The following IFT74 variants were observed in gnomAD, a reference collection of about 807,000 sequenced individuals.
IFT74 encodes intraflagellar transport protein 74 homolog.
Under a neutral mutation model 96.7 loss-of-function variants are expected in IFT74, and 92 were observed. That is an observed-to-expected ratio of 0.95 (90% confidence interval 0.80 to 1.13). The LOEUF (loss-of-function observed/expected upper bound fraction) is 1.13. Among genes scored for constraint, IFT74 ranks in the 50% most tolerant of loss-of-function variants. The pLI is 0.00. For missense variants in IFT74, 811 were observed against 698.2 expected (o/e 1.16, Z -1.82); for synonymous variants, 223 against 213.2 (o/e 1.05, Z -0.40).
chr9:26,994,565 AT>A (rs1186146375), intron 8 of IFT74: 1 of 152,124 alleles, frequency 6.6e-6, no homozygotes, highest in Middle Eastern at 3.2e-3. Flanking sequence ...AAGAAAAAGA[AT>A]CTTGTTTCAC....
At position 27,041,909 on chromosome 9, in the gene IFT74, A is replaced by G. The variant is rs566536096; in HGVS notation, c.1055-2833A>G. On this transcript the variant is annotated intron_variant, in intron 13 of 19. Transcript: ENST00000380062. Reference sequence around the variant, plus strand: ...AGCTTGGGAATCTGCTGAGATGTGTAGGAGCTCTGTCCCATCTAATCCAGC... The same window carrying G: ...AGCTTGGGAATCTGCTGAGATGTGTGGGAGCTCTGTCCCATCTAATCCAGC... 8.5e-5 allele frequency among the ~76,000 whole-genome samples: 13 copies of G among 152,258 alleles called. No individual in the cohort carries two copies. In the East Asian group the frequency reaches 2.5e-3, roughly 29 times the overall value.
intron 18 of IFT74, among the ~76,000 whole-genome samples, chr9:27,058,333 C>G (rs1259332031): frequency 6.6e-6 from 1 of 152,200 alleles, no homozygotes; most frequent in African/African-American, 2.4e-5. Context: ...AAACTGTCCT[C>G]CTGCCTCAGC....
chr9:27,011,887 C>CTT lies in IFT74; in HGVS notation c.727-10_727-9dup. 22 of 1,355,486 alleles carry CTT rather than the reference C, an allele frequency of 1.6e-5. No homozygotes were observed. Among genetic ancestry groups the CTT allele is most frequent in the South Asian group, 7.5e-5 (5 of 66,620 alleles). 84.0% of individuals were successfully genotyped at this position (1,355,486 alleles called of 1,614,324 possible). ...TTAATGTAATTTGGATTTATGTTTG[C>CTT]TTTTTTTTTTCCACTTAGGAATTAG... On this transcript the variant is annotated intron_variant, in intron 9 of 19. Coordinates refer to ENST00000380062, the MANE Select transcript of IFT74 (RefSeq NM_025103.4).
chr9:27,012,300 G>C (rs1829121473), intron 10 of IFT74, among the ~76,000 whole-genome samples: 1 of 151,074 alleles, frequency 6.6e-6, no homozygotes, highest in Non-Finnish European at 1.5e-5. Context: ...GTAGCTCACT[G>C]TAAATTCAAG....
intron 12 of IFT74, among the ~76,000 whole-genome samples, chr9:27,022,534 A>C (rs887348338): frequency 2.6e-5 from 4 of 151,944 alleles, no homozygotes; most frequent in African/African-American, 9.7e-5. Context: ...TTCCTTGTAG[A>C]GGTCTTTCAC....
intron 8 of IFT74, chr9:26,996,171 A>G: frequency 1.7e-6 from 1 of 599,522 alleles, no homozygotes; most frequent in South Asian, 4.1e-5. Flanking sequence ...AGTTTGGAAG[A>G]GCAATATTTT....
chr9:27,017,108 TG>T (rs1477071080), intron 11 of IFT74, 58 bp downstream of exon 11: 6 of 1,464,680 alleles, frequency 4.1e-6, no homozygotes, highest in Admixed American at 2.3e-5. Context: ...TGTATTGATT[TG>T]TTTTTTTTAA....
chr9:26,953,037 A>G (rs377497556), upstream of IFT74, among the ~76,000 whole-genome samples: 17 of 152,260 alleles, frequency 1.1e-4, no homozygotes, highest in African/African-American at 3.6e-4. Context: ...AGAAACATTG[A>G]CTTTTAGGAG....
intron 1 of IFT74, among the ~76,000 whole-genome samples, chr9:26,951,168 T>G (rs1264250646): frequency 6.6e-6 from 1 of 152,208 alleles, no homozygotes. Context: ...ACATCACAGT[T>G]TATGTTCTCA....
In IFT74 at chr9:26,980,559, A is replaced by T; in HGVS notation, c.257-12A>T. ...CGAACTGAACACTAACACTTAAAAC[A>T]TTTTTTTTTAGGTCCCCAGAGGCAA... On this transcript the variant is annotated splice_polypyrimidine_tract_variant and intron_variant, in intron 3 of 19. Coordinates refer to ENST00000380062, the MANE Select transcript of IFT74 (RefSeq NM_025103.4). 11 of 1,538,458 alleles carry T rather than the reference A, an allele frequency of 7.2e-6. No individual in the cohort carries two copies. The highest frequency in any genetic ancestry group is 2.3e-5 in the East Asian group (1 of 43,066).
At chr9:26,995,977 G>T (rs1828134459) in intron 8 of IFT74, 1 of 733,572 alleles carries the variant, frequency 1.4e-6, no homozygotes, top group Non-Finnish European at 2.1e-6. Flanking sequence ...GTTTTCTTTA[G>T]ATTTTGTTTG....
At chr9:26,969,362 T>G (rs1826779493) in intron 2 of IFT74, among the ~76,000 whole-genome samples, 1 of 152,054 alleles carries the variant, frequency 6.6e-6, no homozygotes, top group Non-Finnish European at 1.5e-5. Flanking sequence ...TGTTTTTGAT[T>G]TGAAGATGTA....
upstream of IFT74, among the ~76,000 whole-genome samples, chr9:26,952,299 C>T (rs1320358263): frequency 1.4e-5 from 2 of 140,808 alleles, no homozygotes; most frequent in African/African-American, 2.7e-5. Context: ...TTTTTTGAGA[C>T]GAAGTCTTAC....
intron 2 of IFT74, among the ~76,000 whole-genome samples, chr9:26,965,405 G>A (rs1826564918): frequency 6.6e-6 from 1 of 152,026 alleles, no homozygotes; most frequent in South Asian, 2.1e-4. Flanking sequence ...TTTTGTTAAA[G>A]TCAGATTTTC....
At chr9:26,979,281 A>C (rs1239549622) in intron 3 of IFT74, among the ~76,000 whole-genome samples, 1 of 152,184 alleles carries the variant, frequency 6.6e-6, no homozygotes, top group Non-Finnish European at 1.5e-5. Flanking sequence ...AAAATATTTC[A>C]AAATTACATA....
In IFT74 at chr9:27,038,697, A is replaced by G. The variant is rs538879881; in HGVS notation, c.1055-6045A>G. ...GAAACCCTTACCAACAAGGAACTCA[A>G]GGTTCTGCTGAAATTCTCTACAGGA... is the stretch of plus-strand genomic sequence containing the variant. On this transcript the variant is annotated intron_variant, in intron 13 of 19. Coordinates refer to ENST00000380062, the MANE Select transcript of IFT74 (RefSeq NM_025103.4). Among the ~76,000 whole-genome samples, 3 of 152,332 alleles carry G rather than the reference A, an allele frequency of 2.0e-5. No homozygotes were observed. The East Asian group carries it at 5.8e-4, about 29-fold the overall frequency.
Position 27,063,886 on chromosome 9 carries a change from T to C in IFT74, c.*1150T>C, listed in dbSNP as rs1214802617. Among the ~76,000 whole-genome samples the C allele has an allele frequency of 1.3e-5, 2 of 152,120 alleles. No homozygotes were observed. Among genetic ancestry groups the C allele is most frequent in the Non-Finnish European group, 2.9e-5 (2 of 67,958 alleles). ...GGATTACTAATATGGCTGAAGATCCTGGACATTCATTAAGGTAGCATTCAT... is the reference window on the plus strand; with the variant it reads ...GGATTACTAATATGGCTGAAGATCCCGGACATTCATTAAGGTAGCATTCAT... On this transcript the variant is annotated 3_prime_UTR_variant, in exon 20 of 20. Coordinates refer to ENST00000380062, the MANE Select transcript of IFT74 (RefSeq NM_025103.4).
intron 16 of IFT74, among the ~76,000 whole-genome samples, chr9:27,051,440 TAAC>T (rs1819918287): frequency 6.6e-6 from 1 of 152,122 alleles, no homozygotes; most frequent in African/African-American, 2.4e-5. Context: ...AAAAAACACA[TAAC>T]AAAATTTATC....
chr9:26,980,929 T>C lies in IFT74; in HGVS notation c.305+310T>C, dbSNP rs1429914143. ...AAAATACCTGAGATTGGGTAACTTA[T>C]AGGAATTTATTTCTTACTGTTCCGG... On this transcript the variant is annotated intron_variant, in intron 4 of 19. Coordinates refer to ENST00000380062, the MANE Select transcript of IFT74 (RefSeq NM_025103.4). 2.0e-5 allele frequency among the ~76,000 whole-genome samples: 3 copies of C among 152,208 alleles called. No individual in the cohort carries two copies. In the East Asian group the frequency reaches 5.8e-4, roughly 29 times the overall value.
Sources: allele counts gnomAD v4.1 joint callset (sites outside exome capture counted in the v4.1 genomes callset), GRCh38; gene constraint gnomAD v4.1.1; transcripts MANE v1.5; gene names NCBI Gene and HGNC (gene_info 2026-07-23, HGNC 2026-07-21).